The following ATP10A variants were observed in gnomAD, a reference collection of about 807,000 sequenced individuals.
The protein encoded by ATP10A is ATPase phospholipid transporting 10A (putative), also known as phospholipid-transporting ATPase VA.
In ATP10A, 111 loss-of-function variants were observed where a neutral mutation model predicts 147.8. That is an observed-to-expected ratio of 0.75 (90% CI 0.64 to 0.88). The LOEUF is 0.88. ATP10A is among the 40% of genes least tolerant of loss of function. The pLI, the probability that ATP10A is intolerant of heterozygous loss-of-function variation, is 0.00. For synonymous variants in ATP10A, 875 were observed against 841.6 expected, an observed-to-expected ratio of 1.04 and a Z score of -0.69; for missense variants, 1,927 against 1,959.0, an observed-to-expected ratio of 0.98 and a Z score of 0.31.
intron 1 of ATP10A, among the ~76,000 whole-genome samples, chr15:25,856,365 TA>T (rs1175360068): frequency 6.6e-6 from 1 of 152,212 alleles, no homozygotes; most frequent in Non-Finnish European, 1.5e-5. Context: ...GTCATTATTG[TA>T]AGTTTCCTGA....
At chr15:25,781,295 G>T in intron 1 of ATP10A, 72 bp from the exon 2 acceptor site, 5 of 1,295,402 alleles carry the variant, frequency 3.9e-6, no homozygotes, top group Non-Finnish European at 5.4e-6. Context: ...ATGGGCACGT[G>T]GGGCTCATAT....
At chr15:25,863,406 C>T (rs1893868025), upstream of ATP10A, among the ~76,000 whole-genome samples, 1 of 152,088 alleles carries the variant, frequency 6.6e-6, no homozygotes, top group Non-Finnish European at 1.5e-5. Context: ...TGGCCACGGC[C>T]CCGCCCTCGT....
intron 3 of ATP10A, among the ~76,000 whole-genome samples, chr15:25,730,831 A>C (rs1902939360): frequency 6.6e-6 from 1 of 152,254 alleles, no homozygotes; most frequent in African/African-American, 2.4e-5. Flanking sequence ...ATCTAACAAA[A>C]GTAAGTGTGG....
chr15:25,713,903 A>G lies in ATP10A; in HGVS notation c.2115T>C (p.Tyr705=). The stretch of plus-strand genomic sequence containing the variant: ...GCACGCAGTTGTAGGCTCTGGCCGC[A>G]TACACCAGTGCGGCCTCATCCGGGC... ...AESPDEAALV[Y]AARAYNCVLV... The change falls in exon 10 of 21, where the codon TAT becomes TAC. Residue 705 remains tyrosine, a synonymous_variant. Coordinates refer to ENST00000555815, the MANE Select transcript of ATP10A (RefSeq NM_024490.4). The G allele has an allele frequency of 3.1e-6, 5 of 1,613,416 alleles. No homozygotes were observed. The highest frequency in any genetic ancestry group is 3.4e-6 in the Non-Finnish European group (4 of 1,180,040).
At position 25,714,488 on chromosome 15, in the gene ATP10A, A is replaced by G. The variant is rs147138118; in HGVS notation, c.1777-247T>C. Among the ~76,000 whole-genome samples the G allele has an allele frequency of 6.4e-3, 977 of 152,208 alleles. 10 individuals carry two copies. Among genetic ancestry groups the G allele is most frequent in the African/African-American group, 0.022 (927 of 41,494 alleles). On this transcript the variant is annotated intron_variant, in intron 9 of 20. Transcript: ENST00000555815. ...AACTTCTTAAAGTATAATAATAATA[A>G]TAAAAAAAGAAATTGCAAGCAGAGA...
chr15:25,700,365 AC>A (rs1186051285), intron 13 of ATP10A, among the ~76,000 whole-genome samples: 1 of 152,254 alleles, frequency 6.6e-6, no homozygotes, highest in Non-Finnish European at 1.5e-5. Flanking sequence ...AAACATGTTC[AC>A]ACAAAAACCT....
chr15:25,784,895 C>A (rs1369486756), intron 1 of ATP10A, among the ~76,000 whole-genome samples: 1 of 150,312 alleles, frequency 6.7e-6, no homozygotes, highest in Non-Finnish European at 1.5e-5. Flanking sequence ...GCACTCCAGC[C>A]TGGGTGACGG....
At chr15:25,770,068 T>C (rs1889254444) in intron 2 of ATP10A, among the ~76,000 whole-genome samples, 1 of 152,160 alleles carries the variant, frequency 6.6e-6, no homozygotes, top group Non-Finnish European at 1.5e-5. Context: ...AAAATAAATT[T>C]CTGCAGTTTA....
At chr15:25,850,645 C>G (rs552585376) in intron 1 of ATP10A, among the ~76,000 whole-genome samples, 6 of 150,386 alleles carry the variant, frequency 4.0e-5, no homozygotes, top group South Asian at 2.1e-4. Flanking sequence ...CCCTCCCTCC[C>G]CCCCCAGCCC....
Position 25,862,753 on chromosome 15 carries a change from A to C in ATP10A, c.344T>G (p.Val115Gly). The C allele has an allele frequency of 6.2e-7, 1 of 1,611,986 alleles. No homozygotes were observed. Among genetic ancestry groups the C allele is most frequent in the Non-Finnish European group, 8.5e-7 (1 of 1,179,204 alleles). Reference sequence around the variant, plus strand: ...GGCCGTGATGGCCAGGATGAAGAGCACCGGCGCCAGTGCCAGGCCGGGCTG... The same window carrying C: ...GGCCGTGATGGCCAGGATGAAGAGCCCCGGCGCCAGTGCCAGGCCGGGCTG... ...AFQPGLALAP[V>G]LFILAITAFR... The change falls in exon 1 of 21, where the codon GTG becomes GGG. Residue 115 changes from valine (V) to glycine (G), a missense_variant. Transcript: ENST00000555815.
At chr15:25,830,079 T>A (rs1225578858) in intron 1 of ATP10A, among the ~76,000 whole-genome samples, 1 of 151,842 alleles carries the variant, frequency 6.6e-6, no homozygotes, top group African/African-American at 2.4e-5. Context: ...CGGGGAGAAG[T>A]GCGGTGGGCA....
At chr15:25,787,646 A>T (rs1220554118) in intron 1 of ATP10A, among the ~76,000 whole-genome samples, 1 of 151,988 alleles carries the variant, frequency 6.6e-6, no homozygotes, top group African/African-American at 2.4e-5. Context: ...AAGAAAAAGA[A>T]AAAGAAAAGA....
chr15:25,762,810 C>T (rs1456699243), intron 2 of ATP10A, among the ~76,000 whole-genome samples: 1 of 151,938 alleles, frequency 6.6e-6, no homozygotes, highest in Admixed American at 6.6e-5. Flanking sequence ...CAACTCCTGG[C>T]CTCAAGTGAT....
chr15:25,779,965 C>A (rs1400945563), intron 2 of ATP10A, among the ~76,000 whole-genome samples: 1 of 152,062 alleles, frequency 6.6e-6, no homozygotes, highest in Non-Finnish European at 1.5e-5. Context: ...GCCGGGCGGG[C>A]GAGGTGCGGA....
At chr15:25,781,866 G>C (rs1358423062) in intron 1 of ATP10A, among the ~76,000 whole-genome samples, 1 of 152,138 alleles carries the variant, frequency 6.6e-6, no homozygotes, top group East Asian at 1.9e-4. Context: ...TTTCTAGGAA[G>C]ATATGAATAT....
At chr15:25,707,007 T>C (rs546684751) in intron 12 of ATP10A, among the ~76,000 whole-genome samples, 8 of 152,176 alleles carry the variant, frequency 5.3e-5, no homozygotes, top group Non-Finnish European at 1.0e-4. Context: ...TTCCATTTAA[T>C]TCACATCCAG....
In ATP10A at chr15:25,863,005, A is replaced by T; in HGVS notation, c.92T>A (p.Leu31Gln). The T allele has an allele frequency of 7.2e-7, 1 of 1,384,924 alleles. No homozygotes were observed. The highest frequency in any genetic ancestry group is 9.3e-7 in the Non-Finnish European group (1 of 1,079,444). 85.8% of individuals were successfully genotyped at this position (1,384,924 alleles called of 1,614,324 possible). A position where few individuals can be genotyped will look rare whatever the true frequency, so the allele number is the denominator to read the frequency against. The change falls in exon 1 of 21, where the codon CTG becomes CAG. Residue 31 changes from leucine (L) to glutamine (Q), a missense_variant. By Grantham distance (113) the Leu-to-Gln change is moderately radical. Coordinates refer to ENST00000555815, the MANE Select transcript of ATP10A (RefSeq NM_024490.4). ...GTCCTCGGCGCCCGGGGGCGGCAGCAGGTTGGAGCGCACCGTGCGCGTCCT... is the reference window on the plus strand; with the variant it reads ...GTCCTCGGCGCCCGGGGGCGGCAGCTGGTTGGAGCGCACCGTGCGCGTCCT... ...EGRTRTVRSN[L>Q]LPPPGAEDPA...
At chr15:25,693,892 C>T (rs948380322) in intron 14 of ATP10A, among the ~76,000 whole-genome samples, 2 of 152,218 alleles carry the variant, frequency 1.3e-5, no homozygotes, top group African/African-American at 4.8e-5. Context: ...CAGCAATCTC[C>T]ATGTCAACAA....
intron 1 of ATP10A, among the ~76,000 whole-genome samples, chr15:25,790,088 C>T (rs1890341693): frequency 2.0e-5 from 3 of 152,114 alleles, no homozygotes; most frequent in African/African-American, 7.2e-5. Flanking sequence ...GAACGTGAGC[C>T]AAGTATGTTG....
Sources: allele counts gnomAD v4.1 joint callset (sites outside exome capture counted in the v4.1 genomes callset), GRCh38; gene constraint gnomAD v4.1.1; transcripts MANE v1.5; gene names NCBI Gene and HGNC (gene_info 2026-07-23, HGNC 2026-07-21).